CRACD: variants seen among roughly 807,000 people sequenced by gnomAD.
CRACD encodes capping protein inhibiting regulator of actin dynamics.
CRACD carries 56 observed loss-of-function variants against 106.8 expected under a neutral mutation model. The ratio of observed to expected loss-of-function variants is 0.52; its 90% CI spans 0.42 to 0.66. The LOEUF (loss-of-function observed/expected upper bound fraction) is 0.66, where lower values mean the gene tolerates loss of function less well. Among genes scored for constraint, CRACD ranks in the 30% least tolerant of loss-of-function variants. CRACD has a pLI of 0.00. For missense variants in CRACD, 1,730 were observed against 1,623.2 expected, an observed-to-expected ratio of 1.07 and a Z score of -1.13; for synonymous variants, 754 against 670.8, an observed-to-expected ratio of 1.12 and a Z score of -1.92.
intron 1 of CRACD, among the ~76,000 whole-genome samples, chr4:56,141,752 G>A (rs1418720747): frequency 7.7e-6 from 1 of 129,852 alleles, no homozygotes; most frequent in Admixed American, 9.1e-5. Context: ...GGGGTGCAGT[G>A]CCATGATCGC....
chr4:56,061,591 C>T (rs1214984703), intron 1 of CRACD, among the ~76,000 whole-genome samples: 1 of 152,074 alleles, frequency 6.6e-6, no homozygotes, highest in Non-Finnish European at 1.5e-5. Context: ...TATTGAGATA[C>T]AGACAGGATC....
chr4:56,257,067 T>C (rs1408879186), intron 2 of CRACD, among the ~76,000 whole-genome samples: 3 of 149,408 alleles, frequency 2.0e-5, no homozygotes, highest in Non-Finnish European at 4.4e-5. Context: ...CCCTGCAGTA[T>C]ATTTTGATGT....
rs750106012 is a variant in CRACD at position 56,187,601 on chromosome 4, A to AAAC, written c.-189+8180_-189+8182dup. 6.6e-5 allele frequency among the ~76,000 whole-genome samples: 10 copies of AAAC among 152,214 alleles called. No individual in the cohort carries two copies. In the East Asian group the frequency reaches 1.9e-3, roughly 29 times the overall value. On this transcript the variant is annotated intron_variant, in intron 2 of 10. Coordinates refer to ENST00000682029, the MANE Select transcript of CRACD (RefSeq NM_001393381.1). ...AATACCCCAAACCAACCAAACAAAC[A>AAAC]AACAACAACAAAAAAGCTATTGAAT...
chr4:56,097,561 G>C (rs961320746), intron 1 of CRACD: 4 of 152,522 alleles, frequency 2.6e-5, no homozygotes, highest in African/African-American at 9.6e-5. Context: ...GGTAGGGATT[G>C]GGTTTGGCTA....
intron 1 of CRACD, among the ~76,000 whole-genome samples, chr4:56,063,959 A>G (rs1419153173): frequency 6.6e-6 from 1 of 152,204 alleles, no homozygotes; most frequent in East Asian, 1.9e-4. Context: ...TACCTTCCCA[A>G]CAGCAATGCA....
intron 4 of CRACD, 63 bp downstream of exon 4, chr4:56,298,412 G>T (rs1040087406): frequency 1.9e-6 from 3 of 1,591,398 alleles, no homozygotes; most frequent in African/African-American, 1.3e-5. Flanking sequence ...AGGGAAGTGG[G>T]AAAAGTCCCG....
chr4:56,235,942 C>T (rs1256805047), intron 2 of CRACD, among the ~76,000 whole-genome samples: 1 of 152,098 alleles, frequency 6.6e-6, no homozygotes, highest in Non-Finnish European at 1.5e-5. Context: ...CCCTGCCCAC[C>T]ATCCGTGCAT....
At chr4:56,203,662 G>A (rs963716693) in intron 2 of CRACD, among the ~76,000 whole-genome samples, 3 of 152,114 alleles carry the variant, frequency 2.0e-5, no homozygotes, top group Admixed American at 2.0e-4. Context: ...TAATTTGCAG[G>A]GTCCAGTGCA....
chr4:56,067,801 T>C (rs1398260806), intron 1 of CRACD, among the ~76,000 whole-genome samples: 1 of 152,156 alleles, frequency 6.6e-6, no homozygotes, highest in African/African-American at 2.4e-5. Context: ...GACCCGAGCT[T>C]CTGACCTCAG....
intron 2 of CRACD, among the ~76,000 whole-genome samples, chr4:56,193,305 G>C (rs1737466013): frequency 6.6e-6 from 1 of 152,108 alleles, no homozygotes; most frequent in Non-Finnish European, 1.5e-5. Flanking sequence ...TACAATTCAA[G>C]GTGAAATTTG....
chr4:56,204,648 T>TTA (rs1422038585), intron 2 of CRACD, among the ~76,000 whole-genome samples: 1 of 152,100 alleles, frequency 6.6e-6, no homozygotes, highest in Admixed American at 6.6e-5. Context: ...ACCAGTGGGG[T>TTA]TTTAGGTTTC....
intron 1 of CRACD, among the ~76,000 whole-genome samples, chr4:56,105,384 A>G (rs1733917820): frequency 6.6e-6 from 1 of 152,150 alleles, no homozygotes; most frequent in Non-Finnish European, 1.5e-5. Flanking sequence ...TTGTAGACCC[A>G]GCTCCTTGGG....
At chr4:56,136,529 C>A (rs865899640) in intron 1 of CRACD, among the ~76,000 whole-genome samples, 42 of 152,046 alleles carry the variant, frequency 2.8e-4, no homozygotes, top group African/African-American at 7.2e-4. Flanking sequence ...AACATCTTTT[C>A]GTGTACTTGT....
intron 2 of CRACD, among the ~76,000 whole-genome samples, chr4:56,244,963 T>G (rs1355936153): frequency 6.6e-6 from 1 of 152,244 alleles, no homozygotes; most frequent in Non-Finnish European, 1.5e-5. Context: ...AATTACCCAC[T>G]GCTCCCTGAC....
At position 56,307,716 on chromosome 4, in the gene CRACD, G is replaced by C; in HGVS notation, c.285+17G>C. On this transcript the variant is annotated intron_variant, in intron 5 of 10. Coordinates refer to ENST00000682029, the MANE Select transcript of CRACD (RefSeq NM_001393381.1). ...GAGAACAAGGTAAGTCTCCTCCAGGGAATGACTTGATGGCTCATAAACCAG... is the reference window on the plus strand; with the variant it reads ...GAGAACAAGGTAAGTCTCCTCCAGGCAATGACTTGATGGCTCATAAACCAG... 6.2e-7 allele frequency: 1 copy of C among 1,613,530 alleles called. No homozygotes were observed. Among genetic ancestry groups the C allele is most frequent in the Non-Finnish European group, 8.5e-7 (1 of 1,179,702 alleles).
rs1164571531 is a variant in CRACD at position 56,328,276 on chromosome 4, C to T, written c.*472C>T. On this transcript the variant is annotated 3_prime_UTR_variant, in exon 11 of 11. Transcript: ENST00000682029. ...GTAATGGTGAAAGGATCATATCTAGCTAAAAGCAAGAACACCCATTCTCCT... is the reference window on the plus strand; with the variant it reads ...GTAATGGTGAAAGGATCATATCTAGTTAAAAGCAAGAACACCCATTCTCCT... 1 of 516,270 alleles carries T rather than the reference C, an allele frequency of 1.9e-6. No individual in the cohort carries two copies. Among genetic ancestry groups the T allele is most frequent in the Non-Finnish European group, 3.9e-6 (1 of 258,674 alleles). 32.0% of individuals were successfully genotyped at this position (516,270 alleles called of 1,614,324 possible). A position where few individuals can be genotyped will look rare whatever the true frequency, so the allele number is the denominator to read the frequency against.
At chr4:56,102,340 G>GT (rs1252427728) in intron 1 of CRACD, among the ~76,000 whole-genome samples, 1 of 152,072 alleles carries the variant, frequency 6.6e-6, no homozygotes, top group African/African-American at 2.4e-5. Context: ...TTTAAAGTTT[G>GT]TCTTTTTTCC....
At chr4:56,307,784 G>C (rs1744835117) in intron 5 of CRACD, 85 bp downstream of exon 5, 1 of 1,348,794 alleles carries the variant, frequency 7.4e-7, no homozygotes, top group East Asian at 2.4e-5. Flanking sequence ...TCTGCAGCAG[G>C]GGAATTAGAG....
chr4:56,243,753 A>G (rs1260486138), intron 2 of CRACD, among the ~76,000 whole-genome samples: 2 of 152,284 alleles, frequency 1.3e-5, no homozygotes, highest in Admixed American at 1.3e-4. Flanking sequence ...CCCCTGAAGC[A>G]TTTATCCTTC....
Sources: gnomAD v4.1 joint callset for allele counts (sites outside exome capture counted in the v4.1 genomes callset) on GRCh38, gnomAD v4.1.1 for gene constraint, MANE v1.5 for transcripts, NCBI Gene and HGNC (gene_info 2026-07-23, HGNC 2026-07-21) for gene names.